RABGEF1: variants seen among roughly 807,000 people sequenced by gnomAD.
The protein encoded by RABGEF1 is rab5 GDP/GTP exchange factor.
In RABGEF1, 26 loss-of-function variants were observed where a neutral mutation model predicts 57.3. That is an observed-to-expected ratio of 0.45 (90% CI 0.33 to 0.63). The LOEUF is 0.63. RABGEF1 is among the 20% of genes least tolerant of loss of function. The pLI, the probability that RABGEF1 is intolerant of heterozygous loss-of-function variation, is 0.02. For missense variants in RABGEF1, 464 were observed against 607.6 expected (o/e 0.76, Z 2.48); for synonymous variants, 185 against 210.7 (o/e 0.88, Z 1.06).
At chr7:66,669,584 A>T in the RABGEF1 span, among the ~76,000 whole-genome samples, 2 of 152,166 alleles carry the variant, frequency 1.3e-5, no homozygotes, top group South Asian at 4.1e-4. Flanking sequence ...ATAATAATAA[A>T]AACAAATTTC....
At chr7:66,708,246 A>G (rs1794354613) in intron 1 of RABGEF1, among the ~76,000 whole-genome samples, 1 of 149,230 alleles carries the variant, frequency 6.7e-6, no homozygotes, top group Non-Finnish European at 1.5e-5. Flanking sequence ...ATAACAATTA[A>G]CATCTTTGTT....
chr7:66,762,601 GAAAAAAAGA>G (rs1231417604), intron 1 of RABGEF1, among the ~76,000 whole-genome samples: 2 of 150,072 alleles, frequency 1.3e-5, no homozygotes, highest in African/African-American at 4.9e-5. Context: ...GAAAAGAAAA[GAAAAAAAGA>G]AAAAAAAGAA....
At chr7:66,708,470 T>G (rs1794390454) in intron 1 of RABGEF1, among the ~76,000 whole-genome samples, 1 of 151,982 alleles carries the variant, frequency 6.6e-6, no homozygotes, top group Admixed American at 6.6e-5. Context: ...GTATTTTTAG[T>G]AGAGACGGGG....
At chr7:66,797,222 C>T (rs1436751227) in intron 5 of RABGEF1, 152 bp from the exon 6 acceptor site, 12 of 685,336 alleles carry the variant, frequency 1.8e-5, no homozygotes, top group East Asian at 3.5e-5. Flanking sequence ...GAGAATGGCT[C>T]GAGCCCAGGA....
At chr7:66,708,743 T>C (rs1390304790) in intron 1 of RABGEF1, among the ~76,000 whole-genome samples, 1 of 151,932 alleles carries the variant, frequency 6.6e-6, no homozygotes, top group East Asian at 1.9e-4. Flanking sequence ...GCCCAGGAGG[T>C]TGAGGTTGCA....
the RABGEF1 span, among the ~76,000 whole-genome samples, chr7:66,664,822 A>G: frequency 1.3e-5 from 2 of 152,176 alleles, no homozygotes; most frequent in Non-Finnish European, 2.9e-5. Flanking sequence ...CGCTCTGTTC[A>G]AAACAGTACT....
Position 66,775,336 on chromosome 7 carries a change from A to G in RABGEF1, c.289A>G (p.Lys97Glu). 6.2e-7 allele frequency: 1 copy of G among 1,613,954 alleles called. No homozygotes were observed. The highest frequency in any genetic ancestry group is 1.1e-5 in the South Asian group (1 of 91,068). ...AAAGAAAACCAACGAGAAGACCCGC[A>G]AGGTTACCACAGTGAAGAAATTCTT... Reference protein sequence around the residue: ...EEKKTNEKTRKVTTVKKFFSA... With the variant: ...EEKKTNEKTREVTTVKKFFSA... The change falls in exon 3 of 9, where the codon AAG (lysine) becomes GAG (glutamate). Residue 97 changes from lysine to glutamate, a missense_variant. Physicochemically the swap from Lys to Glu is moderately conservative, Grantham distance 56. Coordinates refer to ENST00000284957, the MANE Select transcript of RABGEF1 (RefSeq NM_014504.3).
intron 3 of RABGEF1, among the ~76,000 whole-genome samples, chr7:66,783,070 G>A (rs1292436401): frequency 3.3e-5 from 5 of 152,154 alleles, no homozygotes; most frequent in African/African-American, 1.2e-4. Context: ...TGTAGTGCAT[G>A]TTTCCCTTGT....
rs1372840392 is a variant in RABGEF1, at chr7:66,772,038, A to C, written c.139A>C (p.Arg47=). Residue 47 remains arginine (R), a synonymous_variant, in exon 2 of 9, where the codon AGG becomes CGG. Coordinates refer to ENST00000284957, the MANE Select transcript of RABGEF1 (RefSeq NM_014504.3). ...KCWREEYHKA[R]QKQIQEDWEL... Reference sequence around the variant, plus strand: ...CTGGAGGGAAGAGTACCACAAAGCCAGGCAGAAGCAGATTCAGGAGGACTG... The same window carrying C: ...CTGGAGGGAAGAGTACCACAAAGCCCGGCAGAAGCAGATTCAGGAGGACTG... 7 of 1,580,224 alleles carry C rather than the reference A, an allele frequency of 4.4e-6. No individual in the cohort carries two copies. In the Admixed American group the frequency reaches 1.1e-4, roughly 25 times the overall value.
At chr7:66,701,833 G>A (rs913784277) in intron 1 of RABGEF1, among the ~76,000 whole-genome samples, 12 of 152,092 alleles carry the variant, frequency 7.9e-5, no homozygotes, top group Non-Finnish European at 1.6e-4. Flanking sequence ...TATATGGTTT[G>A]TGACTATTTT....
chr7:66,686,308 C>G (rs1790626090), intron 1 of RABGEF1, among the ~76,000 whole-genome samples: 1 of 150,766 alleles, frequency 6.6e-6, no homozygotes, highest in African/African-American at 2.4e-5. Context: ...AGTGATCACA[C>G]TAAAACCAAA....
intron 2 of RABGEF1, among the ~76,000 whole-genome samples, chr7:66,730,464 T>C (rs2117638669): frequency 6.6e-6 from 1 of 152,240 alleles, no homozygotes; most frequent in South Asian, 2.1e-4. Context: ...CAATCATAGC[T>C]CACTGCAGCG....
intron 8 of RABGEF1, among the ~76,000 whole-genome samples, chr7:66,805,859 C>T (rs1171265240): frequency 2.0e-5 from 3 of 151,962 alleles, no homozygotes; most frequent in Non-Finnish European, 4.4e-5. Context: ...ATCCTCTCAC[C>T]TCAGCCTGCT....
At chr7:66,783,585 A>G (rs1810466754) in intron 3 of RABGEF1, 90 bp from the exon 4 acceptor site, 1 of 1,143,232 alleles carries the variant, frequency 8.7e-7, no homozygotes, top group Non-Finnish European at 1.2e-6. Flanking sequence ...ATGAAACATA[A>G]TTTAAATAAC....
rs1157211082 is a variant in RABGEF1 at position 66,775,362 on chromosome 7, C to A, written c.315C>A (p.Phe105Leu). The A allele has an allele frequency of 3.1e-6, 5 of 1,613,788 alleles. No individual in the cohort carries two copies. Among genetic ancestry groups the A allele is most frequent in the Non-Finnish European group, 4.2e-6 (5 of 1,179,828 alleles). ...AGGTTACCACAGTGAAGAAATTCTT[C>A]AGTGCATCTTCCAGGGTCGGATCAA... ...TRKVTTVKKF[F>L]SASSRVGSKK... The change falls in exon 3 of 9, where the codon TTC becomes TTA. Residue 105 changes from phenylalanine to leucine, a missense_variant. Around this residue, in one of 4 missense-constraint regions of RABGEF1, gnomAD observed 284 missense variants for 389.9 expected, o/e 0.73. Coordinates refer to ENST00000284957, the MANE Select transcript of RABGEF1 (RefSeq NM_014504.3).
rs1378118293 is a variant in RABGEF1, at chr7:66,809,498, A to ACAGATTGAGTTACTGATAC, written c.*214_*215insCAGATTGAGTTACTGATAC. On this transcript the variant is annotated 3_prime_UTR_variant, in exon 9 of 9. Coordinates refer to ENST00000284957, the MANE Select transcript of RABGEF1 (RefSeq NM_014504.3). ...TTGAGTTACTGATACAGATTCATTT[A>ACAGATTGAGTTACTGATAC]AGGCTTGTGTGCAAATTTTGTCTCA... The ACAGATTGAGTTACTGATAC allele has an allele frequency of 2.2e-6, 1 of 454,688 alleles. No homozygotes were observed. Among genetic ancestry groups the ACAGATTGAGTTACTGATAC allele is most frequent in the Non-Finnish European group, 3.7e-6 (1 of 272,380 alleles). 28.2% of individuals were successfully genotyped at this position (454,688 alleles called of 1,614,324 possible). A position where few individuals can be genotyped will look rare whatever the true frequency, so the allele number is the denominator to read the frequency against.
chr7:66,664,909 G>A, the RABGEF1 span, among the ~76,000 whole-genome samples: 1 of 152,244 alleles, frequency 6.6e-6, no homozygotes, highest in Non-Finnish European at 1.5e-5. Flanking sequence ...TCCAGACCCT[G>A]CCTGGTGACT....
intron 2 of RABGEF1, among the ~76,000 whole-genome samples, chr7:66,733,484 A>G (rs28431850): frequency 0.039 from 5,994 of 151,982 alleles, 161 homozygotes; most frequent in East Asian, 0.085. Flanking sequence ...AGATCAGGAG[A>G]TCAGGAGTTC....
chr7:66,681,931 C>T (rs1316093789), upstream of RABGEF1, among the ~76,000 whole-genome samples: 2 of 152,212 alleles, frequency 1.3e-5, no homozygotes, highest in African/African-American at 2.4e-5. Flanking sequence ...TTCTCCGGGG[C>T]TCCCCAGCGC....
Sources: allele counts gnomAD v4.1 joint callset (sites outside exome capture counted in the v4.1 genomes callset), GRCh38; gene constraint gnomAD v4.1.1; regional missense constraint gnomAD v4.1.1; transcripts MANE v1.5; gene names NCBI Gene and HGNC (gene_info 2026-07-23, HGNC 2026-07-21).